Variants in NEK10 observed in about 807,000 individuals in gnomAD.
NEK10 encodes serine/threonine-protein kinase Nek10.
NEK10 carries 122 observed loss-of-function variants against 159.8 expected under a neutral mutation model. The ratio of observed to expected loss-of-function variants is 0.76; its 90% CI spans 0.66 to 0.89. The LOEUF is 0.89. Ranked by LOEUF, NEK10 falls within the 40% of genes least tolerant of loss-of-function variation. The pLI is 0.00. For missense variants in NEK10, 1,342 were observed against 1,323.1 expected, an observed-to-expected ratio of 1.01 and a Z score of -0.22; for synonymous variants, 466 against 457.1, an observed-to-expected ratio of 1.02 and a Z score of -0.25.
chr3:27,120,395 C>A (rs1448920056), intron 32 of NEK10, among the ~76,000 whole-genome samples: 1 of 151,674 alleles, frequency 6.6e-6, no homozygotes, highest in African/African-American at 2.4e-5. Flanking sequence ...ACAATCTCGG[C>A]TCACTGCAAC....
At chr3:27,197,584 T>C (rs1429698137) in intron 25 of NEK10, among the ~76,000 whole-genome samples, 3 of 152,196 alleles carry the variant, frequency 2.0e-5, no homozygotes, top group Non-Finnish European at 4.4e-5. Flanking sequence ...ACTGTTGTTA[T>C]ATAGAAATGC....
At chr3:27,189,253 C>T (rs1948902032) in intron 26 of NEK10, among the ~76,000 whole-genome samples, 1 of 151,974 alleles carries the variant, frequency 6.6e-6, no homozygotes, top group Non-Finnish European at 1.5e-5. Flanking sequence ...TTAGTACTTA[C>T]GTTTACTAGG....
chr3:27,163,644 G>A (rs73036931), intron 29 of NEK10, among the ~76,000 whole-genome samples: 49,647 of 151,984 alleles, frequency 0.33, 10,126 homozygotes, highest in East Asian at 0.75. Flanking sequence ...GAGCCACCAC[G>A]CCCGGCCTAG....
intron 30 of NEK10, among the ~76,000 whole-genome samples, chr3:27,149,205 T>G (rs965646991): frequency 5.3e-5 from 8 of 152,126 alleles, no homozygotes; most frequent in Non-Finnish European, 7.4e-5. Flanking sequence ...CTCAATACAA[T>G]AGCAAAGATA....
intron 23 of NEK10, among the ~76,000 whole-genome samples, chr3:27,255,786 T>A (rs1575467936): frequency 6.6e-6 from 1 of 152,222 alleles, no homozygotes; most frequent in Non-Finnish European, 1.5e-5. Context: ...TGTCTAAGTA[T>A]ACATATCATT....
At chr3:27,194,575 A>T (rs1019991314) in intron 25 of NEK10, 1 of 151,956 alleles carries the variant, frequency 6.6e-6, no homozygotes, top group African/African-American at 2.4e-5. Context: ...GAAAGGCCAG[A>T]TGGAAAGAAT....
intron 30 of NEK10, among the ~76,000 whole-genome samples, chr3:27,148,153 T>C (rs904891156): frequency 6.6e-6 from 1 of 152,178 alleles, no homozygotes; most frequent in Non-Finnish European, 1.5e-5. Context: ...GGCAGGCAGG[T>C]ATCCCAGAGA....
chr3:27,289,531 G>T (rs515402), intron 19 of NEK10, among the ~76,000 whole-genome samples: 60,727 of 152,034 alleles, frequency 0.4, 15,805 homozygotes, highest in African/African-American at 0.75. Flanking sequence ...ATAATCTACT[G>T]CATCAACTAG....
chr3:27,274,651 A>ACACACACACACATG (rs2041633208), intron 22 of NEK10, among the ~76,000 whole-genome samples: 1 of 151,722 alleles, frequency 6.6e-6, no homozygotes, highest in Admixed American at 6.6e-5. Flanking sequence ...ATGCAGGCAT[A>ACACACACACACATG]CACACACACA....
chr3:27,363,497 A>G (rs551824417), intron 1 of NEK10, among the ~76,000 whole-genome samples: 2 of 152,220 alleles, frequency 1.3e-5, no homozygotes, highest in African/African-American at 4.8e-5. Context: ...GGAAGCTCCA[A>G]ATATAACTGG....
rs767942324 is a variant in NEK10 at position 27,202,534 on chromosome 3, G to A, written c.2114C>T (p.Pro705Leu). The change falls in exon 24 of 36, where the codon CCG (proline) becomes CTG (leucine). Residue 705 changes from proline to leucine, a missense_variant. By Grantham distance (98) the Pro-to-Leu change is moderately conservative. Transcript: ENST00000691995. ...CCAGACATCAGCCTTCTCCCCATAC[G>A]GCTCACTCTTCAGTACCTCGGGGCT... is the stretch of plus-strand genomic sequence containing the variant. ...YSCPEVLKSE[P>L]YGEKADVWAV... is the part of the protein sequence containing the mutation. 12 of 1,611,166 alleles carry A rather than the reference G, an allele frequency of 7.4e-6. No individual in the cohort carries two copies. Among genetic ancestry groups the A allele is most frequent in the Middle Eastern group, 1.6e-4 (1 of 6,068 alleles).
At chr3:27,203,627 T>C (rs1248354010) in intron 23 of NEK10, among the ~76,000 whole-genome samples, 1 of 152,140 alleles carries the variant, frequency 6.6e-6, no homozygotes, top group Admixed American at 6.6e-5. Flanking sequence ...CCATAATAAG[T>C]ACTTGGGTCT....
chr3:27,143,574 G>T, intron 30 of NEK10: 1 of 620,242 alleles, frequency 1.6e-6, no homozygotes, highest in South Asian at 1.9e-5. Context: ...GAGACCCTTT[G>T]ACCACTACCC....
chr3:27,326,288 A>AGGTTAG (rs2045994766), intron 5 of NEK10, among the ~76,000 whole-genome samples: 1 of 152,216 alleles, frequency 6.6e-6, no homozygotes. Context: ...CCTGAATTAT[A>AGGTTAG]GGGCAAAGAT....
At chr3:27,240,467 A>T (rs1292209925) in intron 23 of NEK10, among the ~76,000 whole-genome samples, 1 of 152,170 alleles carries the variant, frequency 6.6e-6, no homozygotes, top group African/African-American at 2.4e-5. Flanking sequence ...ATAATTATAC[A>T]AATGCCTTTC....
intron 26 of NEK10, among the ~76,000 whole-genome samples, chr3:27,191,285 C>T (rs1471305806): frequency 6.6e-6 from 1 of 151,642 alleles, no homozygotes; most frequent in African/African-American, 2.4e-5. Context: ...CTTGGGCCCA[C>T]CCCCAGAACA....
chr3:27,158,196 TA>T (rs1945684583), intron 30 of NEK10, among the ~76,000 whole-genome samples: 1 of 152,250 alleles, frequency 6.6e-6, no homozygotes, highest in Admixed American at 6.5e-5. Flanking sequence ...AAAACATAGT[TA>T]ATACTTCACA....
At chr3:27,252,805 G>A in intron 23 of NEK10, 1 of 453,878 alleles carries the variant, frequency 2.2e-6, no homozygotes, top group Non-Finnish European at 4.4e-6. Context: ...AAACAGCTAG[G>A]AATTGTTAAA....
intron 25 of NEK10, among the ~76,000 whole-genome samples, chr3:27,195,482 A>C (rs1949481034): frequency 6.6e-6 from 1 of 152,252 alleles, no homozygotes; most frequent in Non-Finnish European, 1.5e-5. Flanking sequence ...GTAAACCCAG[A>C]CAATGAGGAG....
Sources: gnomAD v4.1 joint callset for allele counts (sites outside exome capture counted in the v4.1 genomes callset) on GRCh38, gnomAD v4.1.1 for gene constraint, MANE v1.5 for transcripts, NCBI Gene and HGNC (gene_info 2026-07-23, HGNC 2026-07-21) for gene names.